TMCO6: variants seen among roughly 807,000 people sequenced by gnomAD.
TMCO6 encodes the protein transmembrane and coiled-coil domain-containing protein 6.
In TMCO6, 47 loss-of-function variants were observed where a neutral mutation model predicts 61.8. The ratio of observed to expected loss-of-function variants is 0.76; its 90% confidence interval spans 0.60 to 0.97. The LOEUF is 0.97. TMCO6 is among the 50% of genes least tolerant of loss of function. The pLI is 0.00. For synonymous variants in TMCO6, 261 were observed against 254.2 expected, an observed-to-expected ratio of 1.03 and a Z score of -0.25; for missense variants, 557 against 601.6, an observed-to-expected ratio of 0.93 and a Z score of 0.78.
chr5:140,636,918 C>T (rs1372539734), upstream of TMCO6, among the ~76,000 whole-genome samples: 1 of 152,114 alleles, frequency 6.6e-6, no homozygotes, highest in East Asian at 1.9e-4. Context: ...GGACCCTAAT[C>T]TTCTGGAGCT....
chr5:140,611,106 C>G, the TMCO6 span, among the ~76,000 whole-genome samples: 1 of 152,174 alleles, frequency 6.6e-6, no homozygotes, highest in East Asian at 1.9e-4. Flanking sequence ...GAGCATAAAC[C>G]TGAGAGGGGC....
the TMCO6 span, among the ~76,000 whole-genome samples, chr5:140,616,674 T>C: frequency 6.6e-6 from 1 of 152,238 alleles, no homozygotes. Flanking sequence ...TTGCAACTCA[T>C]ATATCTGATA....
the TMCO6 span, among the ~76,000 whole-genome samples, chr5:140,617,830 T>G: frequency 6.6e-6 from 1 of 152,182 alleles, no homozygotes; most frequent in Non-Finnish European, 1.5e-5. Context: ...TGGCTACTAT[T>G]TTTTAAAACC....
At position 140,643,618 on chromosome 5, in the gene TMCO6, G is replaced by C; in HGVS notation, c.861G>C (p.Leu287Phe). The C allele has an allele frequency of 6.2e-7, 1 of 1,614,080 alleles. No homozygotes were observed. The highest frequency in any genetic ancestry group is 8.5e-7 in the Non-Finnish European group (1 of 1,179,994). Reference protein sequence around the residue: ...IGHGALSTLGLLLLDLAGAVQ... With the variant: ...IGHGALSTLGFLLLDLAGAVQ... ...ATGGGGCTCTGTCTACTCTGGGGTT[G>C]CTGCTGTTGGACTTGGCTGGGGCTG... The change falls in exon 8 of 12, where the codon TTG becomes TTC. Residue 287 changes from leucine (L) to phenylalanine (F), a missense_variant. Coordinates refer to ENST00000394671, the MANE Select transcript of TMCO6 (RefSeq NM_018502.5).
the TMCO6 span, chr5:140,632,878 A>T: frequency 1.9e-6 from 3 of 1,614,184 alleles, no homozygotes; most frequent in Non-Finnish European, 2.5e-6. The surrounding 1 kb of genome is among the most constrained non-coding windows in gnomAD (Gnocchi z 6.2). Flanking sequence ...GAGAAGTTGC[A>T]GACGCAGCGG....
chr5:140,632,794 G>C, the TMCO6 span: 861 of 1,613,700 alleles, frequency 5.3e-4, 2 homozygotes, highest in South Asian at 7.1e-4. This position sits in a 1 kb window ranked among gnomAD's most constrained non-coding sequence, Gnocchi z 6.2. Flanking sequence ...TCTAGGTTGA[G>C]ACCGCCGGCA....
At chr5:140,629,946 A>G in the TMCO6 span, among the ~76,000 whole-genome samples, 1 of 151,938 alleles carries the variant, frequency 6.6e-6, no homozygotes, top group African/African-American at 2.4e-5. Context: ...AAAAAAAAAA[A>G]AAAGGATAGT....
chr5:140,645,568 T>C, downstream of TMCO6: 1 of 1,614,102 alleles, frequency 6.2e-7, no homozygotes, highest in Non-Finnish European at 8.5e-7. Flanking sequence ...GCTGTTGCTC[T>C]TAATCCTCAG....
the TMCO6 span, chr5:140,609,317 G>A: frequency 1.8e-5 from 4 of 216,800 alleles, no homozygotes; most frequent in African/African-American, 4.7e-5. Flanking sequence ...GAAAAGGGTG[G>A]GGACACACAT....
the TMCO6 span, chr5:140,632,921 C>T: frequency 6.2e-7 from 1 of 1,614,140 alleles, no homozygotes; most frequent in Non-Finnish European, 8.5e-7. This position sits in a 1 kb window ranked among gnomAD's most constrained non-coding sequence, Gnocchi z 6.2. Flanking sequence ...AAGGTTCTGG[C>T]GTGGTCGCAG....
At chr5:140,621,197 T>C in the TMCO6 span, among the ~76,000 whole-genome samples, 5 of 152,188 alleles carry the variant, frequency 3.3e-5, no homozygotes, top group African/African-American at 1.2e-4. Context: ...TCTGTTCTAC[T>C]TCCTTCAAAG....
chr5:140,642,891 T>C, intron 6 of TMCO6, 34 bp from the exon 7 acceptor site: 2 of 1,614,108 alleles, frequency 1.2e-6, no homozygotes, highest in Non-Finnish European at 1.7e-6. Flanking sequence ...GGCATCTTCG[T>C]GGTTCCTACT....
the TMCO6 span, chr5:140,633,080 A>C: frequency 6.2e-7 from 1 of 1,614,084 alleles, no homozygotes; most frequent in Non-Finnish European, 8.5e-7. Flanking sequence ...ATGGTCGATA[A>C]GTCTTCCGAA....
At chr5:140,628,011 C>CT in the TMCO6 span, among the ~76,000 whole-genome samples, 44,908 of 144,070 alleles carry the variant, frequency 0.31, 7,182 homozygotes, top group African/African-American at 0.38. Context: ...GGTTGACTAT[C>CT]TTTTTTTTTT....
upstream of TMCO6, among the ~76,000 whole-genome samples, chr5:140,637,345 A>G (rs888772287): frequency 2.0e-5 from 3 of 152,142 alleles, no homozygotes; most frequent in South Asian, 4.1e-4. Flanking sequence ...GACTAGTGGC[A>G]CTCCACATTT....
chr5:140,643,171 GC>G, intron 7 of TMCO6, 130 bp downstream of exon 7: 1 of 1,336,850 alleles, frequency 7.5e-7, no homozygotes, highest in Non-Finnish European at 1.0e-6. Context: ...TCTTTTTGGA[GC>G]CCAGGAGACC....
the TMCO6 span, chr5:140,609,306 A>G: frequency 5.0e-6 from 1 of 198,326 alleles, no homozygotes; most frequent in Admixed American, 5.8e-5. Context: ...AAGTTCATCA[A>G]GAAAAGGGTG....
chr5:140,626,117 G>A, the TMCO6 span, among the ~76,000 whole-genome samples: 1 of 152,070 alleles, frequency 6.6e-6, no homozygotes, highest in Admixed American at 6.5e-5. Flanking sequence ...CTACACTGAT[G>A]GCTCCCAAAT....
chr5:140,630,316 A>T, the TMCO6 span, among the ~76,000 whole-genome samples: 1,726 of 149,494 alleles, frequency 0.012, 24 homozygotes, highest in African/African-American at 0.038. Flanking sequence ...TTTAAAAAAA[A>T]TTTTTTTTTT....
Sources: allele counts gnomAD v4.1 joint callset (sites outside exome capture counted in the v4.1 genomes callset), GRCh38; gene constraint gnomAD v4.1.1; non-coding constraint Gnocchi (gnomAD v3.1); transcripts MANE v1.5; gene names NCBI Gene and HGNC (gene_info 2026-07-23, HGNC 2026-07-21).